Variants in PKP4 observed in about 807,000 individuals in gnomAD.
The protein encoded by PKP4 is plakophilin-4.
PKP4 carries 90 observed loss-of-function variants against 145.1 expected under a neutral mutation model. The observed-to-expected ratio is 0.62, with a 90% confidence interval of 0.52 to 0.74. PKP4 has a LOEUF of 0.74. Ranked by LOEUF, PKP4 falls within the 30% of genes least tolerant of loss-of-function variation. The pLI, the probability that PKP4 is intolerant of heterozygous loss-of-function variation, is 0.00. For missense variants in PKP4, 1,340 were observed against 1,482.7 expected (o/e 0.90, Z 1.58); for synonymous variants, 563 against 577.2 (o/e 0.98, Z 0.35).
chr2:158,491,938 T>C (rs1695001065), intron 1 of PKP4, among the ~76,000 whole-genome samples: 1 of 151,958 alleles, frequency 6.6e-6, no homozygotes, highest in African/African-American at 2.4e-5. Flanking sequence ...AGAGGTGAAG[T>C]AGATGGAGCA....
Position 158,621,016 on chromosome 2 carries a change from C to G in PKP4, c.307C>G (p.Pro103Ala). 6.2e-7 allele frequency: 1 copy of G among 1,613,998 alleles called. No homozygotes were observed. The highest frequency in any genetic ancestry group is 1.3e-5 in the African/African-American group (1 of 75,000). ...CGTGCCAAATACTGGTGTAAGCAAA[C>G]CTAGAGTTTCTGACGCTGTCCAGCC... ...TDVPNTGVSK[P>A]RVSDAVQPNN... Residue 103 changes from proline to alanine, a missense_variant, in exon 5 of 22, where the codon CCT (proline) becomes GCT (alanine). Physicochemically the swap from Pro to Ala is conservative, Grantham distance 27 (BLOSUM62 -1). Transcript: ENST00000389759.
intron 3 of PKP4, among the ~76,000 whole-genome samples, chr2:158,586,335 A>T (rs2048803994): frequency 6.6e-6 from 1 of 152,214 alleles, no homozygotes; most frequent in African/African-American, 2.4e-5. Context: ...CCATCCTCCC[A>T]GTCTGTCATG....
intron 11 of PKP4, among the ~76,000 whole-genome samples, chr2:158,653,904 G>A (rs1350458359): frequency 5.3e-5 from 8 of 152,150 alleles, no homozygotes; most frequent in African/African-American, 1.7e-4. Flanking sequence ...GATTCTTCCT[G>A]ACCCATTAAA....
chr2:158,467,428 T>G (rs1249999533), intron 1 of PKP4, among the ~76,000 whole-genome samples: 4 of 151,830 alleles, frequency 2.6e-5, no homozygotes, highest in African/African-American at 9.7e-5. Context: ...GGCCTACACC[T>G]GTAGTTACAG....
chr2:158,463,093 G>T (rs1270859672), intron 1 of PKP4, among the ~76,000 whole-genome samples: 1 of 152,162 alleles, frequency 6.6e-6, no homozygotes, highest in Non-Finnish European at 1.5e-5. Flanking sequence ...AAACCATTGT[G>T]AGCTTGATAG....
chr2:158,590,322 T>A (rs1214594993), intron 3 of PKP4, among the ~76,000 whole-genome samples: 4 of 118,308 alleles, frequency 3.4e-5, no homozygotes, highest in Middle Eastern at 4.9e-3. Flanking sequence ...AGTGTGTGTG[T>A]GTGTGTGTGT....
chr2:158,655,678 C>CA (rs2055840147), intron 11 of PKP4, among the ~76,000 whole-genome samples: 1 of 152,204 alleles, frequency 6.6e-6, no homozygotes, highest in South Asian at 2.1e-4. Context: ...CTCTGCCATG[C>CA]ATTGAGGAAT....
At chr2:158,538,531 C>A (rs906888992) in intron 2 of PKP4, among the ~76,000 whole-genome samples, 5 of 146,300 alleles carry the variant, frequency 3.4e-5, no homozygotes, top group Non-Finnish European at 6.0e-5. Flanking sequence ...GGCTCTCTAA[C>A]CACTTTTTTT....
intron 1 of PKP4, among the ~76,000 whole-genome samples, chr2:158,464,640 A>G (rs761534950): frequency 2.6e-5 from 4 of 152,226 alleles, no homozygotes; most frequent in Non-Finnish European, 4.4e-5. Context: ...GTCACGATCA[A>G]AATAAACCCT....
At chr2:158,464,275 C>T (rs1158265196) in intron 1 of PKP4, among the ~76,000 whole-genome samples, 1 of 152,180 alleles carries the variant, frequency 6.6e-6, no homozygotes, top group Non-Finnish European at 1.5e-5. Context: ...CTCGTCAATC[C>T]ATATCTCATA....
At chr2:158,520,635 A>G (rs909797423) in intron 1 of PKP4, among the ~76,000 whole-genome samples, 2 of 152,246 alleles carry the variant, frequency 1.3e-5, no homozygotes, top group South Asian at 4.1e-4. Flanking sequence ...AAAAGCAAGC[A>G]CATCTATGTA....
At chr2:158,595,537 T>A (rs1390478900) in intron 3 of PKP4, among the ~76,000 whole-genome samples, 1 of 152,164 alleles carries the variant, frequency 6.6e-6, no homozygotes. Context: ...AAGAAACTAA[T>A]GGAATATTTT....
At chr2:158,546,717 T>C (rs2045078171) in intron 2 of PKP4, among the ~76,000 whole-genome samples, 1 of 151,926 alleles carries the variant, frequency 6.6e-6, no homozygotes, top group Non-Finnish European at 1.5e-5. Flanking sequence ...AGGTTAAGGA[T>C]AAAGAGCAAG....
intron 11 of PKP4, among the ~76,000 whole-genome samples, chr2:158,656,662 C>T (rs1238992993): frequency 6.6e-6 from 1 of 152,166 alleles, no homozygotes; most frequent in Non-Finnish European, 1.5e-5. Context: ...GAGCAGAACA[C>T]AAGAGGAGGC....
chr2:158,530,759 G>A (rs1018290952), intron 1 of PKP4, among the ~76,000 whole-genome samples: 8 of 151,892 alleles, frequency 5.3e-5, no homozygotes, highest in African/African-American at 9.7e-5. Flanking sequence ...CCTTAGTAAC[G>A]ACAGGTACCA....
intron 2 of PKP4, among the ~76,000 whole-genome samples, chr2:158,536,587 G>A (rs1409172435): frequency 6.6e-6 from 1 of 152,192 alleles, no homozygotes; most frequent in Non-Finnish European, 1.5e-5. Flanking sequence ...ATTGGACATA[G>A]AGTGTCATAA....
At chr2:158,576,412 A>G (rs1199408566) in intron 2 of PKP4, among the ~76,000 whole-genome samples, 2 of 152,236 alleles carry the variant, frequency 1.3e-5, no homozygotes, top group East Asian at 3.8e-4. Flanking sequence ...AGTATGGCAC[A>G]GGGGAGCTTG....
chr2:158,615,259 C>T (rs2051490087), intron 4 of PKP4, among the ~76,000 whole-genome samples: 1 of 151,660 alleles, frequency 6.6e-6, no homozygotes, highest in African/African-American at 2.4e-5. Context: ...GATTTTTGAT[C>T]ACTTAATTGT....
intron 2 of PKP4, among the ~76,000 whole-genome samples, chr2:158,540,769 C>T (rs957034328): frequency 2.6e-5 from 4 of 152,130 alleles, no homozygotes. Flanking sequence ...CTTTTATTTA[C>T]ATTTGAAAGT....
Sources: allele counts gnomAD v4.1 joint callset (sites outside exome capture counted in the v4.1 genomes callset), GRCh38; gene constraint gnomAD v4.1.1; transcripts MANE v1.5; gene names NCBI Gene and HGNC (gene_info 2026-07-23, HGNC 2026-07-21).